The following ADCK1 variants were observed in gnomAD, a reference collection of about 807,000 sequenced individuals.
ADCK1 encodes the protein aarF domain-containing protein kinase 1.
A neutral mutation model predicts 52.3 loss-of-function variants in ADCK1; 41 were observed. The observed-to-expected ratio is 0.78, with a 90% CI of 0.61 to 1.02. The LOEUF is 1.02. Ranked by LOEUF, ADCK1 falls within the 50% of genes least tolerant of loss-of-function variation. The pLI, the probability that ADCK1 is intolerant of heterozygous loss-of-function variation, is 0.00. For missense variants in ADCK1, 658 were observed against 679.5 expected (o/e 0.97, Z 0.35); for synonymous variants, 250 against 274.6 (o/e 0.91, Z 0.89).
At chr14:77,899,343 C>T (rs1260719338) in intron 6 of ADCK1, 85 bp downstream of exon 6, 1 of 1,533,694 alleles carries the variant, frequency 6.5e-7, no homozygotes, top group African/African-American at 1.4e-5. Flanking sequence ...GCATCCCTTT[C>T]AGGACATAAT....
At chr14:77,891,050 T>C (rs1275554774) in intron 5 of ADCK1, among the ~76,000 whole-genome samples, 1 of 150,874 alleles carries the variant, frequency 6.6e-6, no homozygotes, top group Non-Finnish European at 1.5e-5. Flanking sequence ...TACAGATGAG[T>C]GTGTGGGGCA....
At chr14:77,903,351 G>A (rs2083589621) in intron 6 of ADCK1, among the ~76,000 whole-genome samples, 1 of 152,226 alleles carries the variant, frequency 6.6e-6, no homozygotes, top group African/African-American at 2.4e-5. Flanking sequence ...CACAACATCT[G>A]TGCATAATTA....
intron 4 of ADCK1, among the ~76,000 whole-genome samples, chr14:77,874,928 A>G (rs964572857): frequency 8.5e-5 from 13 of 152,148 alleles, no homozygotes; most frequent in Non-Finnish European, 1.9e-4. Flanking sequence ...GGATGGGACA[A>G]TGAGAACGAG....
chr14:77,859,417 T>C, intron 4 of ADCK1, 138 bp downstream of exon 4: 4 of 843,828 alleles, frequency 4.7e-6, no homozygotes, highest in Non-Finnish European at 7.2e-6. Context: ...CTCTCAGTGC[T>C]GAAATCAAAG....
chr14:77,927,011 A>G (rs1467180191), intron 9 of ADCK1, among the ~76,000 whole-genome samples: 2 of 152,102 alleles, frequency 1.3e-5, no homozygotes, highest in Non-Finnish European at 2.9e-5. Flanking sequence ...CCTGCTCACC[A>G]TCAGGGACAG....
chr14:77,915,086 T>C (rs781470027), intron 7 of ADCK1, among the ~76,000 whole-genome samples: 2 of 152,124 alleles, frequency 1.3e-5, no homozygotes, highest in Non-Finnish European at 2.9e-5. Flanking sequence ...CAGACCAACA[T>C]AGAGCAGCTG....
At chr14:77,928,820 T>C (rs983034184) in intron 9 of ADCK1, among the ~76,000 whole-genome samples, 2 of 152,192 alleles carry the variant, frequency 1.3e-5, no homozygotes, top group Non-Finnish European at 2.9e-5. Flanking sequence ...TTTGAAAAAG[T>C]CTTGTCTCTT....
intron 5 of ADCK1, among the ~76,000 whole-genome samples, chr14:77,898,875 G>T (rs1311791036): frequency 6.6e-6 from 1 of 152,256 alleles, no homozygotes; most frequent in Non-Finnish European, 1.5e-5. Context: ...GGTAGTCATG[G>T]TTACCGATGC....
At chr14:77,912,745 G>A (rs1003395873) in intron 7 of ADCK1, among the ~76,000 whole-genome samples, 21 of 152,226 alleles carry the variant, frequency 1.4e-4, no homozygotes, top group African/African-American at 5.1e-4. Flanking sequence ...CTGTAGAAGG[G>A]ACCCCTCTTG....
intron 4 of ADCK1, among the ~76,000 whole-genome samples, chr14:77,885,124 A>T (rs1469103934): frequency 6.6e-6 from 1 of 152,234 alleles, no homozygotes; most frequent in Non-Finnish European, 1.5e-5. Flanking sequence ...GACAGAACAG[A>T]CAAAAATCTT....
At chr14:77,852,067 C>T (rs1285265923) in intron 3 of ADCK1, among the ~76,000 whole-genome samples, 8 of 151,802 alleles carry the variant, frequency 5.3e-5, no homozygotes, top group Admixed American at 2.6e-4. Context: ...GGTGCGATCT[C>T]GGCTCACTGC....
intron 5 of ADCK1, among the ~76,000 whole-genome samples, chr14:77,890,463 C>A (rs184162750): frequency 1.3e-5 from 2 of 152,362 alleles, no homozygotes; most frequent in East Asian, 1.9e-4. Flanking sequence ...CATAGGATTA[C>A]TTCTTTCTTA....
intron 3 of ADCK1, among the ~76,000 whole-genome samples, chr14:77,855,326 C>T (rs1359479574): frequency 6.6e-6 from 1 of 152,200 alleles, no homozygotes; most frequent in Non-Finnish European, 1.5e-5. Context: ...TTCGTAGCAG[C>T]CCTATGAGGT....
At chr14:77,867,369 A>G (rs574817147) in intron 4 of ADCK1, among the ~76,000 whole-genome samples, 3 of 152,336 alleles carry the variant, frequency 2.0e-5, no homozygotes, top group African/African-American at 4.8e-5. Flanking sequence ...ACTAGGGGCC[A>G]GGGAGTGGGA....
At chr14:77,897,199 G>A (rs909237192) in intron 5 of ADCK1, among the ~76,000 whole-genome samples, 5 of 152,114 alleles carry the variant, frequency 3.3e-5, no homozygotes, top group African/African-American at 7.2e-5. Flanking sequence ...CAGATAACTC[G>A]GACTGTCATT....
chr14:77,892,025 G>A (rs2083293519), intron 5 of ADCK1, among the ~76,000 whole-genome samples: 1 of 152,158 alleles, frequency 6.6e-6, no homozygotes, highest in South Asian at 2.1e-4. Flanking sequence ...GGACAGAGAG[G>A]AGGAAAAGCT....
chr14:77,825,301 T>C (rs1024525742), intron 3 of ADCK1, among the ~76,000 whole-genome samples: 2 of 152,204 alleles, frequency 1.3e-5, no homozygotes, highest in Non-Finnish European at 2.9e-5. Context: ...CTCCCTACCT[T>C]TGGGGAGGTC....
rs1364186387 is a variant in ADCK1, at chr14:77,931,549, A to G, written c.1238A>G (p.Tyr413Cys). Residue 413 changes from tyrosine (Y) to cysteine (C), a missense_variant, in exon 10 of 11, where the codon TAC becomes TGC. Transcript: ENST00000238561. ...DLEIRNNAAN[Y>C]LPQISHLLNH... ...GAGATTCGCAACAACGCGGCCAACT[A>G]CCTCCCCCAGATCAGCCATCTCCTC... 1.9e-6 allele frequency: 3 copies of G among 1,613,298 alleles called. No homozygotes were observed. The highest frequency in any genetic ancestry group is 1.1e-5 in the South Asian group (1 of 91,044).
chr14:77,910,723 C>G (rs970908519), intron 7 of ADCK1, among the ~76,000 whole-genome samples: 2 of 152,192 alleles, frequency 1.3e-5, no homozygotes, highest in African/African-American at 2.4e-5. Flanking sequence ...CAGAAAGGTG[C>G]GCTCTGGGTA....
Sources: gnomAD v4.1 joint callset for allele counts (sites outside exome capture counted in the v4.1 genomes callset) on GRCh38, gnomAD v4.1.1 for gene constraint, MANE v1.5 for transcripts, NCBI Gene and HGNC (gene_info 2026-07-23, HGNC 2026-07-21) for gene names.